Variants in SLC38A6 observed in about 807,000 individuals in gnomAD.
The protein encoded by SLC38A6 is N system amino acid transporter NAT-1.
Under a neutral mutation model 65.0 loss-of-function variants are expected in SLC38A6, and 73 were observed. The ratio of observed to expected loss-of-function variants is 1.12; its 90% CI spans 0.93 to 1.37. The LOEUF is 1.37. Ranked by LOEUF, SLC38A6 falls within the 40% of genes most tolerant of loss-of-function variation. The probability of loss-of-function intolerance (pLI) is 0.00; values close to 1 mark genes in which losing one functional copy is unlikely to be tolerated. For synonymous variants in SLC38A6, 183 were observed against 178.8 expected (o/e 1.02, Z -0.19); for missense variants, 561 against 531.1 (o/e 1.06, Z -0.55).
chr14:60,983,169 T>C (rs2037195484), intron 2 of SLC38A6, among the ~76,000 whole-genome samples: 1 of 152,224 alleles, frequency 6.6e-6, no homozygotes, highest in Non-Finnish European at 1.5e-5. Flanking sequence ...TAGTACTTTG[T>C]ATATTCATTC....
At chr14:61,031,165 C>A (rs748301810) in intron 6 of SLC38A6, 6 of 151,960 alleles carry the variant, frequency 3.9e-5, no homozygotes, top group Non-Finnish European at 8.8e-5. Flanking sequence ...AGGGAAAAAA[C>A]AAAATTAATT....
Position 60,982,577 on chromosome 14 carries a change from A to T in SLC38A6, c.175A>T (p.Met59Leu). The change falls in exon 2 of 16, where the codon ATG becomes TTG. Residue 59 changes from methionine (M) to leucine (L), a missense_variant. Met to Leu is a conservative substitution (Grantham distance 15, BLOSUM62 2). Coordinates refer to ENST00000267488, the MANE Select transcript of SLC38A6 (RefSeq NM_153811.3). Reference sequence around the variant, plus strand: ...AGTGTTTAATTTGATGAATGCCATCATGGGAAGTGGCATCCTTGGCTTAGC... The same window carrying T: ...AGTGTTTAATTTGATGAATGCCATCTTGGGAAGTGGCATCCTTGGCTTAGC... ...LSVFNLMNAI[M>L]GSGILGLAYV... The T allele has an allele frequency of 1.2e-6, 2 of 1,613,982 alleles. No homozygotes were observed. Among genetic ancestry groups the T allele is most frequent in the Non-Finnish European group, 1.7e-6 (2 of 1,179,928 alleles).
chr14:61,057,859 G>A (rs2042758785), intron 15 of SLC38A6, among the ~76,000 whole-genome samples: 1 of 129,192 alleles, frequency 7.7e-6, no homozygotes, highest in Admixed American at 8.0e-5. Context: ...GAGAGTGTAT[G>A]TGTCGAGGAA....
In SLC38A6 at chr14:61,081,677, CTG is replaced by C. The variant is rs200983935; in HGVS notation, c.1409-1876_1409-1875del. ...CCAGCCTGGGCGACAGAGCGAGACT[CTG>C]TCTCAAAAAAAAATTTCTCTCCTGA... On this transcript the variant is annotated intron_variant, in intron 16 of 16. Transcript: ENST00000354886. Among the ~76,000 whole-genome samples the C allele has an allele frequency of 4.5e-3, 685 of 152,168 alleles. 20 individuals are homozygous for C. In the East Asian group the frequency reaches 0.087, roughly 19 times the overall value.
intron 4 of SLC38A6, among the ~76,000 whole-genome samples, chr14:61,019,226 C>T (rs1453678842): frequency 6.6e-6 from 1 of 152,094 alleles, no homozygotes; most frequent in Non-Finnish European, 1.5e-5. Context: ...GAATGAGACA[C>T]CACTCCCACA....
intron 3 of SLC38A6, chr14:61,001,975 T>C (rs1440181138): frequency 1.3e-5 from 2 of 152,224 alleles, no homozygotes; most frequent in Non-Finnish European, 2.9e-5. Flanking sequence ...CATTGTCAGA[T>C]TGACAATATT....
chr14:61,011,956 T>C (rs983013750), intron 3 of SLC38A6, among the ~76,000 whole-genome samples: 4 of 152,198 alleles, frequency 2.6e-5, no homozygotes, highest in Non-Finnish European at 5.9e-5. Context: ...TCAGAAGGAA[T>C]GGTACCAGCT....
intron 13 of SLC38A6, 47 bp downstream of exon 13, chr14:61,050,683 A>T (rs1398978031): frequency 1.4e-6 from 2 of 1,403,152 alleles, no homozygotes; most frequent in South Asian, 3.7e-5. Context: ...ACGCTTCCTA[A>T]TAGGGAAACA....
At chr14:61,043,042 C>T (rs1240252621) in intron 8 of SLC38A6, 105 bp from the exon 9 acceptor site, 3 of 705,228 alleles carry the variant, frequency 4.3e-6, no homozygotes, top group South Asian at 3.8e-5. Context: ...AGAGACTCTT[C>T]TATTAGCATC....
chr14:61,043,609 T>C (rs2041945676), intron 10 of SLC38A6, 106 bp downstream of exon 10: 1 of 722,536 alleles, frequency 1.4e-6, no homozygotes, highest in Admixed American at 3.1e-5. Flanking sequence ...GACTAATTAA[T>C]TTTCATGAAA....
At chr14:61,012,702 G>A (rs893037198) in intron 3 of SLC38A6, among the ~76,000 whole-genome samples, 89 of 152,304 alleles carry the variant, frequency 5.8e-4, no homozygotes, top group East Asian at 5.4e-3. Context: ...TGTTGAGTTA[G>A]TTTCTTAATC....
At chr14:61,014,602 A>G (rs2039851937) in intron 3 of SLC38A6, among the ~76,000 whole-genome samples, 1 of 152,164 alleles carries the variant, frequency 6.6e-6, no homozygotes, top group Non-Finnish European at 1.5e-5. Context: ...TCCTTCTAAC[A>G]GTTAGGACCC....
chr14:61,017,954 A>T (rs1328998283), intron 4 of SLC38A6, among the ~76,000 whole-genome samples: 2 of 152,180 alleles, frequency 1.3e-5, no homozygotes, highest in Non-Finnish European at 2.9e-5. Flanking sequence ...ATTTTTTGAA[A>T]TGTTTTGAAC....
intron 3 of SLC38A6, among the ~76,000 whole-genome samples, chr14:61,002,806 C>T (rs2038802287): frequency 6.6e-6 from 1 of 152,138 alleles, no homozygotes; most frequent in South Asian, 2.1e-4. Context: ...AAATAAACTG[C>T]TAATGATTGC....
chr14:61,036,068 A>T (rs992677861), intron 6 of SLC38A6, among the ~76,000 whole-genome samples: 2 of 152,072 alleles, frequency 1.3e-5, no homozygotes, highest in African/African-American at 4.8e-5. Context: ...ATTTGGAAAA[A>T]TGTATATAGA....
At chr14:61,024,373 C>G (rs1164133677) in intron 5 of SLC38A6, among the ~76,000 whole-genome samples, 1 of 152,152 alleles carries the variant, frequency 6.6e-6, no homozygotes, top group Non-Finnish European at 1.5e-5. Context: ...ATAACAGGCT[C>G]AACATTGGCT....
At chr14:60,991,323 A>G (rs1039421831) in intron 3 of SLC38A6, among the ~76,000 whole-genome samples, 5 of 152,174 alleles carry the variant, frequency 3.3e-5, no homozygotes, top group Admixed American at 6.5e-5. Flanking sequence ...ATCTTATGTA[A>G]CATATACTTA....
intron 3 of SLC38A6, among the ~76,000 whole-genome samples, chr14:61,000,279 T>G (rs1056314620): frequency 6.6e-6 from 1 of 152,184 alleles, no homozygotes; most frequent in Non-Finnish European, 1.5e-5. Flanking sequence ...ACAAAGAGAG[T>G]ACATAAGTTC....
intron 15 of SLC38A6, among the ~76,000 whole-genome samples, chr14:61,074,852 T>C (rs1036976678): frequency 1.2e-4 from 19 of 152,176 alleles, no homozygotes; most frequent in Non-Finnish European, 2.5e-4. Context: ...GTCTTTTTTT[T>C]TTTGGTGGTG....
Sources: gnomAD v4.1 joint callset for allele counts (sites outside exome capture counted in the v4.1 genomes callset) on GRCh38, gnomAD v4.1.1 for gene constraint, MANE v1.5 for transcripts, NCBI Gene and HGNC (gene_info 2026-07-23, HGNC 2026-07-21) for gene names.